The following SYTL5 variants were observed in gnomAD, a reference collection of about 807,000 sequenced individuals.
The protein encoded by SYTL5 is synaptotagmin like 5.
SYTL5 carries 34 observed loss-of-function variants against 55.9 expected under a neutral mutation model. The observed-to-expected ratio is 0.61, with a 90% CI of 0.46 to 0.81. The LOEUF is 0.81. Among genes scored for constraint, SYTL5 ranks in the 30% least tolerant of loss-of-function variants. The pLI is 0.00. For missense variants in SYTL5, 637 were observed against 546.7 expected, an observed-to-expected ratio of 1.17 and a Z score of -1.65; for synonymous variants, 221 against 188.7, an observed-to-expected ratio of 1.17 and a Z score of -1.40.
chrX:38,119,160 A>T (rs890937324), intron 13 of SYTL5, among the ~76,000 whole-genome samples: 2 of 109,632 alleles, frequency 1.8e-5, no homozygotes, highest in African/African-American at 6.7e-5. Flanking sequence ...TTTATTCAGA[A>T]TTCCCAGTTT....
the SYTL5 span, among the ~76,000 whole-genome samples, chrX:37,930,474 G>T: frequency 9.0e-6 from 1 of 110,916 alleles, no homozygotes; most frequent in Admixed American, 9.6e-5. Context: ...AGATAAGATG[G>T]CTAGAACTGG....
chrX:37,913,295 G>A, the SYTL5 span, among the ~76,000 whole-genome samples: 1 of 112,501 alleles, frequency 8.9e-6, no homozygotes, highest in Non-Finnish European at 1.9e-5. Flanking sequence ...GAAAGGTAGA[G>A]TTGGCTATTG....
intron 2 of SYTL5, among the ~76,000 whole-genome samples, chrX:38,047,714 A>G (rs961858983): frequency 8.9e-6 from 1 of 112,281 alleles, no homozygotes; most frequent in African/African-American, 3.2e-5. Flanking sequence ...TCGCATCGTC[A>G]GGCTTTTATG....
At chrX:37,988,639 C>A in the SYTL5 span, among the ~76,000 whole-genome samples, 1 of 112,245 alleles carries the variant, frequency 8.9e-6, no homozygotes, top group Admixed American at 9.4e-5. Context: ...GGTGAGAGCT[C>A]AGACATGAGG....
the SYTL5 span, among the ~76,000 whole-genome samples, chrX:37,953,532 T>C: frequency 8.9e-6 from 1 of 111,772 alleles, no homozygotes; most frequent in East Asian, 2.8e-4. Flanking sequence ...GTTTTTTTGT[T>C]TTGTTTTGTT....
the SYTL5 span, among the ~76,000 whole-genome samples, chrX:37,935,276 A>G: frequency 8.9e-6 from 1 of 112,025 alleles, no homozygotes; most frequent in Non-Finnish European, 1.9e-5. Context: ...GTGAAGGAGA[A>G]TTTAAGGCAT....
At chrX:38,082,545 G>A (rs5917531) in intron 6 of SYTL5, among the ~76,000 whole-genome samples, 15,377 of 112,078 alleles carry the variant, frequency 0.14, 864 homozygotes, top group Middle Eastern at 0.17. Flanking sequence ...CAGTAATACT[G>A]TTCCACCCTT....
chrX:38,000,069 T>C, the SYTL5 span, among the ~76,000 whole-genome samples: 1 of 112,231 alleles, frequency 8.9e-6, no homozygotes, highest in Non-Finnish European at 1.9e-5. Flanking sequence ...TAGTGAGTCT[T>C]GACAACACTC....
chrX:37,990,853 A>T, the SYTL5 span: 2 of 1,200,457 alleles, frequency 1.7e-6, no homozygotes, highest in Non-Finnish European at 2.2e-6. Context: ...TCAGAGAAAA[A>T]GAACTGTAAG....
chrX:37,892,427 T>C, the SYTL5 span, among the ~76,000 whole-genome samples: 1 of 103,226 alleles, frequency 9.7e-6, no homozygotes, highest in Non-Finnish European at 2.0e-5. Flanking sequence ...TTTACCTTCA[T>C]TTGCTATAAG....
the SYTL5 span, among the ~76,000 whole-genome samples, chrX:37,942,921 T>TGCTGGCCTCCCTTCTG: frequency 2.7e-5 from 3 of 111,735 alleles, no homozygotes; most frequent in African/African-American, 9.8e-5. Flanking sequence ...CCTCCCTTCT[T>TGCTGGCCTCCCTTCTG]GCTGGCCTCC....
intron 1 of SYTL5, among the ~76,000 whole-genome samples, chrX:38,026,597 T>C (rs1367581790): frequency 1.8e-5 from 2 of 112,336 alleles, no homozygotes; most frequent in African/African-American, 3.2e-5. Context: ...TGCTTATTTC[T>C]TGATTATATG....
the SYTL5 span, among the ~76,000 whole-genome samples, chrX:37,914,048 A>C: frequency 1.2e-4 from 14 of 112,177 alleles, no homozygotes; most frequent in Non-Finnish European, 2.4e-4. Flanking sequence ...TGGTGTACAA[A>C]GATGAAAATA....
the SYTL5 span, among the ~76,000 whole-genome samples, chrX:37,992,614 C>T: frequency 1.8e-5 from 2 of 112,273 alleles, no homozygotes; most frequent in Non-Finnish European, 3.8e-5. Flanking sequence ...ACAGGGTCCC[C>T]CTTAATAAAC....
At chrX:38,019,047 T>C (rs1354324440) in intron 1 of SYTL5, among the ~76,000 whole-genome samples, 2 of 112,384 alleles carry the variant, frequency 1.8e-5, no homozygotes, top group African/African-American at 6.5e-5. Context: ...TTCAACAGCT[T>C]GATGGCATGA....
At chrX:37,931,021 T>C in the SYTL5 span, among the ~76,000 whole-genome samples, 60 of 112,003 alleles carry the variant, frequency 5.4e-4, 1 homozygote, top group Admixed American at 5.7e-3. Flanking sequence ...TGTCTCTTGA[T>C]AGGAGGAACT....
At chrX:38,005,498 C>A (rs1933966579), upstream of SYTL5, among the ~76,000 whole-genome samples, 6 of 110,814 alleles carry the variant, frequency 5.4e-5, no homozygotes, top group Admixed American at 4.8e-4. Context: ...TATAAATGTA[C>A]AGATAGTGAA....
chrX:37,899,978 G>A, the SYTL5 span, among the ~76,000 whole-genome samples: 1 of 112,130 alleles, frequency 8.9e-6, no homozygotes, highest in Non-Finnish European at 1.9e-5. Context: ...AAATATGTAA[G>A]CAAATCTTCA....
chrX:37,972,683 G>T, the SYTL5 span, among the ~76,000 whole-genome samples: 1 of 111,849 alleles, frequency 8.9e-6, no homozygotes, highest in African/African-American at 3.3e-5. Flanking sequence ...ATGTGCCCCA[G>T]GTCTTTGGGG....
Sources: allele counts gnomAD v4.1 joint callset (sites outside exome capture counted in the v4.1 genomes callset), GRCh38; gene constraint gnomAD v4.1.1; transcripts MANE v1.5; gene names NCBI Gene and HGNC (gene_info 2026-07-23, HGNC 2026-07-21).